Variants in ZNF385D observed in about 807,000 individuals in gnomAD.
ZNF385D encodes zinc finger protein 659.
In ZNF385D, 15 loss-of-function variants were observed where a neutral mutation model predicts 35.8. The ratio of observed to expected loss-of-function variants is 0.42; its 90% confidence interval spans 0.28 to 0.64. The LOEUF is 0.64. ZNF385D is among the 30% of genes least tolerant of loss of function. The pLI is 0.23. For synonymous variants in ZNF385D, 212 were observed against 186.8 expected (o/e 1.13, Z -1.10); for missense variants, 474 against 494.6 (o/e 0.96, Z 0.39).
intron 3 of ZNF385D, among the ~76,000 whole-genome samples, chr3:21,987,685 C>G (rs1397782678): frequency 1.4e-5 from 2 of 144,458 alleles, no homozygotes; most frequent in Non-Finnish European, 3.0e-5. Flanking sequence ...TTGTGGTGTT[C>G]TCTGTATTTC....
chr3:21,454,409 T>C (rs1444406783), intron 4 of ZNF385D, among the ~76,000 whole-genome samples: 1 of 152,152 alleles, frequency 6.6e-6, no homozygotes, highest in African/African-American at 2.4e-5. Flanking sequence ...AAAGTTCCTA[T>C]GTGATCTTGT....
intron 2 of ZNF385D, among the ~76,000 whole-genome samples, chr3:21,575,482 G>A (rs772313633): frequency 9.2e-5 from 14 of 152,180 alleles, no homozygotes; most frequent in Admixed American, 2.6e-4. Context: ...TGTATAAGTC[G>A]CATAAATACA....
chr3:21,852,849 T>C (rs1160313393), intron 3 of ZNF385D, among the ~76,000 whole-genome samples: 1 of 151,812 alleles, frequency 6.6e-6, no homozygotes, highest in African/African-American at 2.4e-5. Flanking sequence ...AAAATTGTAT[T>C]CAAAGAAATA....
intron 1 of ZNF385D, among the ~76,000 whole-genome samples, chr3:21,691,180 C>T (rs1474232461): frequency 2.6e-5 from 4 of 152,088 alleles, no homozygotes; most frequent in Non-Finnish European, 5.9e-5. Flanking sequence ...AATGCCATAC[C>T]GTAAATCAAT....
At chr3:21,870,692 CTT>C (rs1370910598) in intron 3 of ZNF385D, among the ~76,000 whole-genome samples, 2 of 152,198 alleles carry the variant, frequency 1.3e-5, no homozygotes, top group Middle Eastern at 3.4e-3. Context: ...TTTATAAACA[CTT>C]TTATAGATAG....
intron 3 of ZNF385D, among the ~76,000 whole-genome samples, chr3:21,935,641 T>C (rs1701222009): frequency 6.6e-6 from 1 of 152,124 alleles, no homozygotes; most frequent in African/African-American, 2.4e-5. Context: ...GTTGCTTGTC[T>C]GTTTAGAAGT....
chr3:21,766,512 G>T (rs1214519703), intron 3 of ZNF385D, among the ~76,000 whole-genome samples: 1 of 152,056 alleles, frequency 6.6e-6, no homozygotes, highest in African/African-American at 2.4e-5. Flanking sequence ...TAGCAATGTG[G>T]ACTCACTGAT....
At chr3:21,848,137 T>C (rs1696134320) in intron 3 of ZNF385D, among the ~76,000 whole-genome samples, 1 of 152,038 alleles carries the variant, frequency 6.6e-6, no homozygotes, top group Admixed American at 6.6e-5. Context: ...TAGCATAATA[T>C]CCTCAAAGCT....
intron 2 of ZNF385D, among the ~76,000 whole-genome samples, chr3:22,178,182 C>T (rs984689190): frequency 6.6e-6 from 1 of 152,188 alleles, no homozygotes; most frequent in Non-Finnish European, 1.5e-5. Flanking sequence ...AATGGTTGAA[C>T]TAGTTTACAG....
chr3:21,919,889 G>C (rs758685096), intron 3 of ZNF385D, among the ~76,000 whole-genome samples: 1 of 152,164 alleles, frequency 6.6e-6, no homozygotes, highest in Admixed American at 6.5e-5. Context: ...TTTCCAAAGT[G>C]TCTCTGCCAC....
chr3:21,693,708 T>A (rs1418147672), intron 1 of ZNF385D, among the ~76,000 whole-genome samples: 3 of 152,140 alleles, frequency 2.0e-5, no homozygotes, highest in African/African-American at 7.2e-5. Context: ...TGACTATTTT[T>A]AAAGGTTTTT....
At chr3:21,793,453 C>G (rs1277615536) in intron 3 of ZNF385D, among the ~76,000 whole-genome samples, 1 of 152,210 alleles carries the variant, frequency 6.6e-6, no homozygotes, top group Admixed American at 6.5e-5. Flanking sequence ...AATGCAGATT[C>G]TCAGGGACTG....
intron 1 of ZNF385D, among the ~76,000 whole-genome samples, chr3:21,714,388 G>A (rs1004916675): frequency 6.6e-5 from 10 of 152,006 alleles, no homozygotes; most frequent in African/African-American, 1.2e-4. Context: ...TCACTAAAAC[G>A]TCACTAAAGG....
chr3:22,014,649 TATG>T (rs1342794821), intron 3 of ZNF385D, among the ~76,000 whole-genome samples: 5 of 151,820 alleles, frequency 3.3e-5, no homozygotes, highest in African/African-American at 4.8e-5. Flanking sequence ...TAAAACAAAA[TATG>T]ATAATATGTG....
intron 3 of ZNF385D, among the ~76,000 whole-genome samples, chr3:22,056,353 A>T (rs1402795363): frequency 6.6e-6 from 1 of 151,840 alleles, no homozygotes; most frequent in African/African-American, 2.4e-5. Context: ...AGAATGGGAT[A>T]AAATATAAAC....
chr3:22,152,390 C>T (rs756077316), intron 3 of ZNF385D, among the ~76,000 whole-genome samples: 6 of 152,104 alleles, frequency 3.9e-5, no homozygotes, highest in Non-Finnish European at 5.9e-5. Context: ...CAAATTACTA[C>T]AAATTTGTTG....
intron 3 of ZNF385D, among the ~76,000 whole-genome samples, chr3:21,902,437 A>G (rs561312656): frequency 6.6e-6 from 1 of 152,262 alleles, no homozygotes; most frequent in African/African-American, 2.4e-5. Flanking sequence ...CAAGGTGATC[A>G]CCGGTATCTT....
intron 3 of ZNF385D, among the ~76,000 whole-genome samples, chr3:22,150,608 A>G (rs1274177705): frequency 6.6e-6 from 1 of 152,296 alleles, no homozygotes; most frequent in African/African-American, 2.4e-5. Context: ...CTCTTCCTTC[A>G]GGCTACTAAC....
intron 3 of ZNF385D, among the ~76,000 whole-genome samples, chr3:22,104,111 T>C (rs949148029): frequency 1.3e-5 from 2 of 152,256 alleles, no homozygotes; most frequent in East Asian, 3.9e-4. Flanking sequence ...AAGGTGTCCA[T>C]GTATTATTCA....
Sources: allele counts gnomAD v4.1 joint callset (sites outside exome capture counted in the v4.1 genomes callset), GRCh38; gene constraint gnomAD v4.1.1; transcripts MANE v1.5; gene names NCBI Gene and HGNC (gene_info 2026-07-23, HGNC 2026-07-21).